The following PELP1 variants were observed in gnomAD, a reference collection of about 807,000 sequenced individuals.
The protein encoded by PELP1 is proline-, glutamic acid- and leucine-rich protein 1.
A neutral mutation model predicts 95.5 loss-of-function variants in PELP1; 32 were observed. The ratio of observed to expected loss-of-function variants is 0.34; its 90% CI spans 0.25 to 0.45. PELP1 has a LOEUF of 0.45. PELP1 is among the 20% of genes least tolerant of loss of function. The pLI is 1.00. For missense variants in PELP1, 1,358 were observed against 1,444.8 expected, an observed-to-expected ratio of 0.94 and a Z score of 0.97; for synonymous variants, 668 against 600.1, an observed-to-expected ratio of 1.11 and a Z score of -1.65.
intron 2 of PELP1, 52 bp from the exon 3 acceptor site, chr17:4,691,045 GA>G (rs1287269756): frequency 8.0e-7 from 1 of 1,254,488 alleles, no homozygotes; most frequent in Non-Finnish European, 1.2e-6. Context: ...AGACTTCAGA[GA>G]AAGTGACTGC....
chr17:4,671,744 G>C lies in PELP1; in HGVS notation c.3247C>G (p.Pro1083Ala), dbSNP rs754677858. The change falls in exon 16 of 17, where the codon CCT becomes GCT. Residue 1083 changes from proline (P) to alanine (A), a missense_variant. Transcript: ENST00000572293. ...TCTGTCTCCATCTCTTCTTCTGCAG[G>C]TGTCTCTGGTGGGGGCTGCACCTTG... ...SDKVQPPPET[P>A]AEEEMETETE... is the part of the protein sequence containing the mutation. 46 of 1,531,120 alleles carry C rather than the reference G, an allele frequency of 3.0e-5. 1 individual carries two copies. The South Asian group carries it at 6.0e-4, about 20-fold the overall frequency. The allele number at this position is 1,531,120 out of a possible 1,614,324, so 94.8% of individuals were successfully genotyped here.
intron 3 of PELP1, among the ~76,000 whole-genome samples, chr17:4,689,765 T>C (rs966469459): frequency 1.9e-4 from 29 of 152,210 alleles, no homozygotes; most frequent in South Asian, 4.1e-4. Flanking sequence ...TGGCGGCTCA[T>C]GCCTGTAATC....
chr17:4,670,697 G>A lies in PELP1; in HGVS notation c.*742C>T, dbSNP rs2174830. On this transcript the variant is annotated 3_prime_UTR_variant, in exon 17 of 17. Coordinates refer to ENST00000572293, the MANE Select transcript of PELP1 (RefSeq NM_014389.3). ...ACCATGCCACTGCACTCCAGCCTGG[G>A]CGACAGAGCAGGAGTCCATCTCAAA... 102,313 of 151,940 alleles carry A rather than the reference G, an allele frequency of 0.67. 35,566 individuals carry two copies. The highest frequency in any genetic ancestry group is 1 in the East Asian group (5,167 of 5,180). The allele number at this position is 151,940 out of a possible 1,614,324, so 9.4% of individuals were successfully genotyped here.
chr17:4,690,850 G>C, intron 3 of PELP1, 38 bp downstream of exon 3: 1 of 1,261,502 alleles, frequency 7.9e-7, no homozygotes, highest in Non-Finnish European at 1.2e-6. Flanking sequence ...AATAAGATGG[G>C]GGAGGAGGAG....
At chr17:4,701,425 G>A (rs993185840) in intron 1 of PELP1, among the ~76,000 whole-genome samples, 1 of 152,158 alleles carries the variant, frequency 6.6e-6, no homozygotes. Flanking sequence ...TTTAAAAGCT[G>A]CAAACAGGAT....
chr17:4,682,808 G>GC lies in PELP1; in HGVS notation c.564dup (p.Pro189AlafsTer4). The stretch of plus-strand genomic sequence containing the variant: ...GGTCCAGGGAGACATCTCACCTCTG[G>GC]CCTGAGGCCCAGCAGGGAGGTGAGA... On this transcript the variant is annotated frameshift_variant, in exon 4 of 17. Coordinates refer to ENST00000572293, the MANE Select transcript of PELP1 (RefSeq NM_014389.3). LOFTEE classifies it high-confidence loss of function. 6.3e-7 allele frequency: 1 copy of GC among 1,577,774 alleles called. No individual in the cohort carries two copies. The highest frequency in any genetic ancestry group is 8.6e-7 in the Non-Finnish European group (1 of 1,164,306).
intron 1 of PELP1, among the ~76,000 whole-genome samples, chr17:4,693,437 T>C (rs892941181): frequency 6.6e-6 from 1 of 152,232 alleles, no homozygotes; most frequent in African/African-American, 2.4e-5. Context: ...TTCCTATACA[T>C]ACAAGCCTAT....
At position 4,691,430 on chromosome 17, in the gene PELP1, G is replaced by C. The variant is rs781238440; in HGVS notation, c.262C>G (p.Leu88Val). 1 of 1,613,138 alleles carries C rather than the reference G, an allele frequency of 6.2e-7. No individual in the cohort carries two copies. Among genetic ancestry groups the C allele is most frequent in the Non-Finnish European group, 8.5e-7 (1 of 1,179,242 alleles). ...SVGGAQNLSA[L>V]GALVSLSNAR... ...TTACTGAGACTCACCAATGCCCCAAGAGCTGAAAGGTTCTGGAGGAAAGAA... is the reference window on the plus strand; with the variant it reads ...TTACTGAGACTCACCAATGCCCCAACAGCTGAAAGGTTCTGGAGGAAAGAA... Residue 88 changes from leucine (L) to valine (V), a missense_variant, in exon 2 of 17, where the codon CTT becomes GTT. Transcript: ENST00000572293.
In PELP1 at chr17:4,674,964, A is replaced by G. The variant is rs368575188; in HGVS notation, c.1275-8T>C. 26 of 1,607,744 alleles carry G rather than the reference A, an allele frequency of 1.6e-5. No homozygotes were observed. Among genetic ancestry groups the G allele is most frequent in the Non-Finnish European group, 1.5e-5 (18 of 1,175,192 alleles). ...ACCTTGGTCCGAACCGTGCTGTGTC[A>G]TGAGCAAAGATGGCAGTTATGAATG... On this transcript the variant is annotated splice_region_variant and splice_polypyrimidine_tract_variant and intron_variant, in intron 11 of 16. Transcript: ENST00000572293.
At chr17:4,690,567 C>G (rs1913063646) in intron 3 of PELP1, among the ~76,000 whole-genome samples, 1 of 151,926 alleles carries the variant, frequency 6.6e-6, no homozygotes, top group Non-Finnish European at 1.5e-5. Context: ...ACTAAAAATA[C>G]AAAAATTAGC....
Position 4,691,032 on chromosome 17 carries a change from G to A in PELP1, c.315-39C>T, listed in dbSNP as rs756263883. 4.2e-6 allele frequency: 6 copies of A among 1,420,100 alleles called. No individual in the cohort carries two copies. The Admixed American group carries it at 8.4e-5, about 20-fold the overall frequency. 88.0% of individuals were successfully genotyped at this position (1,420,100 alleles called of 1,614,324 possible). A position where few individuals can be genotyped will look rare whatever the true frequency, so the allele number is the denominator to read the frequency against. ...AGAGAGTCATGTTAAGTGGGCGGAG[G>A]CTAGACTTCAGAGAAAGTGACTGCT... On this transcript the variant is annotated intron_variant, in intron 2 of 16. Coordinates refer to ENST00000572293, the MANE Select transcript of PELP1 (RefSeq NM_014389.3).
chr17:4,703,832 A>C, intron 1 of PELP1, 31 bp downstream of exon 1: 1 of 1,581,578 alleles, frequency 6.3e-7, no homozygotes, highest in Non-Finnish European at 8.6e-7. Context: ...TCCTCCCCAC[A>C]GGGCCGCGGG....
At chr17:4,694,766 T>C (rs571626380) in intron 1 of PELP1, among the ~76,000 whole-genome samples, 1 of 148,126 alleles carries the variant, frequency 6.8e-6, no homozygotes, top group South Asian at 2.1e-4. Flanking sequence ...AGGTCAGGAG[T>C]TCAAGACCAG....
At chr17:4,674,420 C>T in intron 13 of PELP1, 90 bp downstream of exon 13, 1 of 1,251,288 alleles carries the variant, frequency 8.0e-7, no homozygotes. Flanking sequence ...AAAGTTTCAC[C>T]TAAGGGTATA....
At chr17:4,700,559 A>T (rs1185160189) in intron 1 of PELP1, among the ~76,000 whole-genome samples, 1 of 152,092 alleles carries the variant, frequency 6.6e-6, no homozygotes, top group South Asian at 2.1e-4. Flanking sequence ...CCTACGTAGA[A>T]GACAGAACAA....
At chr17:4,698,029 A>C (rs556225377) in intron 1 of PELP1, among the ~76,000 whole-genome samples, 17 of 98,240 alleles carry the variant, frequency 1.7e-4, no homozygotes, top group African/African-American at 7.0e-4. Context: ...TTTTTTTTGT[A>C]GAGATAGGGT....
In PELP1 at chr17:4,674,854, G is replaced by A. The variant is rs777884912; in HGVS notation, c.1377C>T (p.Leu459=). Residue 459 remains leucine (L), a synonymous_variant, in exon 12 of 17, where the codon CTC becomes CTT. Transcript: ENST00000572293. ...GGGAGATGTCGCTGAGCAGGTGGGT[G>A]AGCAGGGCCTCTCCAGAGGCTCCTC... ...LQGGASGEAL[L]THLLSDISPP... The A allele has an allele frequency of 3.1e-6, 5 of 1,613,416 alleles. No individual in the cohort carries two copies. In the East Asian group the frequency reaches 1.1e-4, roughly 36 times the overall value.
At chr17:4,695,401 T>A (rs1033355690) in intron 1 of PELP1, among the ~76,000 whole-genome samples, 2 of 152,012 alleles carry the variant, frequency 1.3e-5, no homozygotes, top group Admixed American at 1.3e-4. Flanking sequence ...CCAGGCACGG[T>A]GGCCTATAAT....
chr17:4,698,872 T>A (rs1379835534), intron 1 of PELP1, among the ~76,000 whole-genome samples: 7 of 152,168 alleles, frequency 4.6e-5, no homozygotes, highest in Admixed American at 4.6e-4. Context: ...TAAGAGAATG[T>A]CCTTGTTTTT....
Sources: gnomAD v4.1 joint callset for allele counts (sites outside exome capture counted in the v4.1 genomes callset) on GRCh38, gnomAD v4.1.1 for gene constraint, MANE v1.5 for transcripts, NCBI Gene and HGNC (gene_info 2026-07-23, HGNC 2026-07-21) for gene names.